Variants in SAMMSON observed in about 807,000 individuals in gnomAD.
SAMMSON encodes the protein survival associated mitochondrial melanoma specific oncogenic non-coding RNA.
intron 6 of SAMMSON, among the ~76,000 whole-genome samples, chr3:70,290,377 C>T (rs965185353): frequency 1.1e-4 from 16 of 152,146 alleles, no homozygotes; most frequent in East Asian, 1.9e-4. Context: ...TGCTCGGGGG[C>T]CAGGGGTCAG....
chr3:70,192,560 G>T (rs2106712627), intron 4 of SAMMSON, among the ~76,000 whole-genome samples: 1 of 152,260 alleles, frequency 6.6e-6, no homozygotes, highest in South Asian at 2.1e-4. Flanking sequence ...CCACCAAAAA[G>T]ATAAACAACC....
At chr3:70,296,196 A>C (rs540267501) in intron 7 of SAMMSON, among the ~76,000 whole-genome samples, 128 of 152,314 alleles carry the variant, frequency 8.4e-4, no homozygotes, top group African/African-American at 2.2e-3. Context: ...TACCCATATC[A>C]CTAACCATAG....
At chr3:70,113,582 A>G (rs2067398357) in intron 4 of SAMMSON, among the ~76,000 whole-genome samples, 1 of 152,200 alleles carries the variant, frequency 6.6e-6, no homozygotes, top group Admixed American at 6.5e-5. Flanking sequence ...AGTCCAGCAC[A>G]CTCATAAATG....
intron 4 of SAMMSON, among the ~76,000 whole-genome samples, chr3:70,077,032 T>TGG (rs1051620092): frequency 6.6e-6 from 1 of 152,118 alleles, no homozygotes; most frequent in African/African-American, 2.4e-5. Flanking sequence ...CTCTTCTTTG[T>TGG]GGGGGGAATT....
intron 7 of SAMMSON, among the ~76,000 whole-genome samples, chr3:70,347,868 C>T (rs1189445534): frequency 6.6e-6 from 1 of 152,100 alleles, no homozygotes; most frequent in Non-Finnish European, 1.5e-5. Flanking sequence ...CATGGCAAAG[C>T]CCCATCTCTA....
intron 2 of SAMMSON, among the ~76,000 whole-genome samples, chr3:70,399,795 A>C (rs1701124008): frequency 6.6e-6 from 1 of 151,462 alleles, no homozygotes; most frequent in South Asian, 2.1e-4. Flanking sequence ...GAATCACTTG[A>C]ACCCGGGAGG....
intron 2 of SAMMSON, among the ~76,000 whole-genome samples, chr3:70,401,825 G>C (rs1319202756): frequency 6.6e-6 from 1 of 152,244 alleles, no homozygotes; most frequent in South Asian, 2.1e-4. Flanking sequence ...ATATGAAAGA[G>C]ATTATTAAAT....
At chr3:70,259,381 A>G (rs1027733023) in intron 6 of SAMMSON, among the ~76,000 whole-genome samples, 1 of 152,094 alleles carries the variant, frequency 6.6e-6, no homozygotes, top group Non-Finnish European at 1.5e-5. Flanking sequence ...AGAAATCACA[A>G]CATGGAATTC....
chr3:70,433,458 T>G (rs1038243468), intron 2 of SAMMSON, among the ~76,000 whole-genome samples: 1 of 152,152 alleles, frequency 6.6e-6, no homozygotes, highest in African/African-American at 2.4e-5. Flanking sequence ...TCTGCATTGT[T>G]GGCGGGGTGA....
chr3:70,338,047 T>C (rs1702680284), intron 7 of SAMMSON, among the ~76,000 whole-genome samples: 1 of 151,604 alleles, frequency 6.6e-6, no homozygotes, highest in Admixed American at 6.6e-5. Flanking sequence ...TTGACCAAAA[T>C]TTATAATACA....
At chr3:70,129,744 A>G (rs949122801) in intron 4 of SAMMSON, among the ~76,000 whole-genome samples, 5 of 152,192 alleles carry the variant, frequency 3.3e-5, no homozygotes, top group African/African-American at 1.2e-4. Flanking sequence ...GTATAGCTAT[A>G]GCTATATATT....
In SAMMSON at chr3:70,150,037, A is replaced by G. The variant is rs577714494; in HGVS notation, n.507+78472A>G. ...CCTTTTTTTCTTTTTTAAATTTCCA[A>G]TTGGTAGTTATTGTCTCGTGGTGCT... On this transcript the variant is annotated intron_variant and non_coding_transcript_variant, in intron 4 of 9. Coordinates refer to ENST00000642114, the Ensembl canonical transcript of SAMMSON. Among the ~76,000 whole-genome samples, 373 of 151,996 alleles carry G rather than the reference A, an allele frequency of 2.5e-3. 4 individuals carry two copies. Among genetic ancestry groups the G allele is most frequent in the Middle Eastern group, 0.014 (4 of 294 alleles).
intron 4 of SAMMSON, among the ~76,000 whole-genome samples, chr3:70,190,363 A>G (rs1457593786): frequency 6.6e-6 from 1 of 152,036 alleles, no homozygotes; most frequent in East Asian, 1.9e-4. Context: ...TGCCTGGTCA[A>G]TCTTCCTCCT....
At chr3:70,013,098 T>C (rs1038153060) in intron 2 of SAMMSON, among the ~76,000 whole-genome samples, 5 of 152,186 alleles carry the variant, frequency 3.3e-5, no homozygotes, top group African/African-American at 4.8e-5. Flanking sequence ...ATTAACTACC[T>C]GTTCCTTTAT....
chr3:70,406,275 C>G (rs1701177279), intron 2 of SAMMSON, among the ~76,000 whole-genome samples: 1 of 152,100 alleles, frequency 6.6e-6, no homozygotes, highest in Admixed American at 6.6e-5. Flanking sequence ...GGAAAAACCT[C>G]ATTTAAGTGC....
chr3:70,070,185 AAG>A (rs1017346523), intron 3 of SAMMSON: 2 of 152,076 alleles, frequency 1.3e-5, no homozygotes, highest in African/African-American at 4.8e-5. Flanking sequence ...TTGTAAAAAT[AAG>A]AGAGTTATAG....
intron 6 of SAMMSON, among the ~76,000 whole-genome samples, chr3:70,274,078 T>TG (rs754403100): frequency 5.4e-5 from 8 of 149,102 alleles, no homozygotes; most frequent in Non-Finnish European, 1.2e-4. Context: ...TGTGTGTGTG[T>TG]GTGTGTGTGT....
intron 9 of SAMMSON, among the ~76,000 whole-genome samples, chr3:70,377,021 A>T (rs1575636760): frequency 6.6e-6 from 1 of 152,172 alleles, no homozygotes; most frequent in South Asian, 2.1e-4. Flanking sequence ...AAGGCATACC[A>T]TTCTTGAATA....
At chr3:70,174,634 A>G (rs1279795922) in intron 4 of SAMMSON, among the ~76,000 whole-genome samples, 1 of 152,092 alleles carries the variant, frequency 6.6e-6, no homozygotes, top group Non-Finnish European at 1.5e-5. Context: ...TCTCAATAGC[A>G]TATCTATTTT....
Sources: allele counts gnomAD v4.1 joint callset (sites outside exome capture counted in the v4.1 genomes callset), GRCh38; gene constraint gnomAD v4.1.1; transcripts MANE v1.5; gene names NCBI Gene and HGNC (gene_info 2026-07-23, HGNC 2026-07-21).